The following TMEM132D variants were observed in gnomAD, a reference collection of about 807,000 sequenced individuals.
TMEM132D encodes mature OL transmembrane protein.
A neutral mutation model predicts 62.3 loss-of-function variants in TMEM132D; 21 were observed. That is an observed-to-expected ratio of 0.34 (90% CI 0.24 to 0.49). The LOEUF (loss-of-function observed/expected upper bound fraction) is 0.49. TMEM132D is among the 20% of genes least tolerant of loss of function. TMEM132D has a pLI of 0.99. For missense variants in TMEM132D, 1,346 were observed against 1,402.8 expected (o/e 0.96, Z 0.65); for synonymous variants, 621 against 575.6 (o/e 1.08, Z -1.13).
At chr12:129,196,020 G>A (rs1336354495) in intron 5 of TMEM132D, among the ~76,000 whole-genome samples, 1 of 152,128 alleles carries the variant, frequency 6.6e-6, no homozygotes, top group Non-Finnish European at 1.5e-5. Context: ...TCAGCTACTT[G>A]GGAGGCTGAG....
chr12:129,071,756 C>CAGTA lies in TMEM132D; in HGVS notation c.*2115_*2118dup, dbSNP rs1459688801. The CAGTA allele has an allele frequency of 1.3e-5, 2 of 152,226 alleles. No homozygotes were observed. 9.4% of individuals were successfully genotyped at this position (152,226 alleles called of 1,614,324 possible). ...TGAATGCAAACTTTATATTTACAGT[C>CAGTA]AGTAAGTTTATAAATATATATTACA... On this transcript the variant is annotated 3_prime_UTR_variant, in exon 9 of 9. Coordinates refer to ENST00000422113, the MANE Select transcript of TMEM132D (RefSeq NM_133448.3).
intron 1 of TMEM132D, among the ~76,000 whole-genome samples, chr12:129,792,944 A>C (rs61943442): frequency 0.014 from 2,148 of 152,338 alleles, 67 homozygotes; most frequent in East Asian, 0.12. Context: ...ACTGGTGTTC[A>C]TTCTACCCAA....
intron 2 of TMEM132D, among the ~76,000 whole-genome samples, chr12:129,546,518 A>G (rs773447965): frequency 1.3e-5 from 2 of 152,198 alleles, no homozygotes; most frequent in African/African-American, 2.4e-5. Context: ...CACAGCAAGC[A>G]AGGAGAGGAT....
At chr12:129,150,129 A>G (rs1877030082) in intron 5 of TMEM132D, among the ~76,000 whole-genome samples, 1 of 152,214 alleles carries the variant, frequency 6.6e-6, no homozygotes, top group African/African-American at 2.4e-5. Flanking sequence ...AAGCCCACAT[A>G]TGTGGGTGCT....
At position 129,074,162 on chromosome 12, in the gene TMEM132D, T is replaced by G; in HGVS notation, c.3013A>C (p.Ser1005Arg). The change falls in exon 9 of 9, where the codon AGC becomes CGC. Residue 1005 changes from serine (S) to arginine (R), a missense_variant. Ser to Arg is a moderately radical substitution (Grantham distance 110). Transcript: ENST00000422113. ...TTGATGCTTTTTTGGGAGTTTGTGC[T>G]GAGGAGATATTTACTTTCCTCGAAA... ...MDFEESKYLL[S>R]TNSQKSINGQ... 1 of 1,614,152 alleles carries G rather than the reference T, an allele frequency of 6.2e-7. No homozygotes were observed. Among genetic ancestry groups the G allele is most frequent in the Non-Finnish European group, 8.5e-7 (1 of 1,180,028 alleles).
intron 3 of TMEM132D, among the ~76,000 whole-genome samples, chr12:129,447,673 C>T (rs1873141336): frequency 6.6e-6 from 1 of 152,170 alleles, no homozygotes; most frequent in Non-Finnish European, 1.5e-5. Context: ...TGTCTGTGCA[C>T]TGTACAAATT....
At chr12:129,807,097 G>A (rs1405046646) in intron 1 of TMEM132D, among the ~76,000 whole-genome samples, 1 of 151,942 alleles carries the variant, frequency 6.6e-6, no homozygotes, top group African/African-American at 2.4e-5. Flanking sequence ...GAAAATGAGA[G>A]GATTTTACAT....
chr12:129,112,399 C>T (rs193130865), intron 5 of TMEM132D, among the ~76,000 whole-genome samples: 6 of 152,314 alleles, frequency 3.9e-5, no homozygotes, highest in Admixed American at 3.3e-4. Flanking sequence ...CGGTGGCTCA[C>T]GCCTGTAATC....
intron 1 of TMEM132D, among the ~76,000 whole-genome samples, chr12:129,760,078 A>T (rs933725313): frequency 6.6e-6 from 1 of 151,864 alleles, no homozygotes; most frequent in African/African-American, 2.4e-5. Context: ...CTAATTTTTT[A>T]AATTTTATTG....
chr12:129,822,013 G>C (rs1408666241), intron 1 of TMEM132D, among the ~76,000 whole-genome samples: 1 of 152,198 alleles, frequency 6.6e-6, no homozygotes, highest in Non-Finnish European at 1.5e-5. Flanking sequence ...AAAGACAGAC[G>C]TGATCTTTGT....
chr12:129,073,835 C>G lies in TMEM132D; in HGVS notation c.*40G>C, dbSNP rs2135601098. The G allele has an allele frequency of 1.3e-6, 2 of 1,492,368 alleles. No individual in the cohort carries two copies. Among genetic ancestry groups the G allele is most frequent in the Non-Finnish European group, 1.8e-6 (2 of 1,112,872 alleles). The allele number at this position is 1,492,368 out of a possible 1,614,324, so 92.4% of individuals were successfully genotyped here. A position where few individuals can be genotyped will look rare whatever the true frequency, so the allele number is the denominator to read the frequency against. ...TTGCTACACATCCTGGAATTAAAGGCTGAAAGGTGAGTGAGAACCAATGTC... is the reference window on the plus strand; with the variant it reads ...TTGCTACACATCCTGGAATTAAAGGGTGAAAGGTGAGTGAGAACCAATGTC... On this transcript the variant is annotated 3_prime_UTR_variant, in exon 9 of 9. Transcript: ENST00000422113.
At chr12:129,227,570 T>G (rs1879514000) in intron 4 of TMEM132D, among the ~76,000 whole-genome samples, 5 of 148,646 alleles carry the variant, frequency 3.4e-5, no homozygotes, top group Admixed American at 3.4e-4. Flanking sequence ...AATATTTACC[T>G]GATTTTATTT....
intron 1 of TMEM132D, among the ~76,000 whole-genome samples, chr12:129,760,323 CTTTTTTTT>C (rs71082753): frequency 4.2e-4 from 48 of 115,506 alleles, no homozygotes; most frequent in Admixed American, 2.6e-3. Flanking sequence ...AAGCCACTTT[CTTTTTTTT>C]TTTTTTTTTT....
At chr12:129,760,592 T>A (rs1427851266) in intron 1 of TMEM132D, among the ~76,000 whole-genome samples, 2 of 150,440 alleles carry the variant, frequency 1.3e-5, no homozygotes, top group Non-Finnish European at 3.0e-5. Flanking sequence ...CGGATCCGCC[T>A]GCCTCAAGCC....
In TMEM132D at chr12:129,479,305, C is replaced by G. The variant is rs575762867; in HGVS notation, c.1115+51754G>C. ...AGCTTTGGTGAAAAAAAATTGGCAT[C>G]AAATTTAAGGATCCTGGGCTATTGT... On this transcript the variant is annotated intron_variant, in intron 3 of 8. Transcript: ENST00000422113. Among the ~76,000 whole-genome samples, 3 of 152,238 alleles carry G rather than the reference C, an allele frequency of 2.0e-5. No homozygotes were observed. In the South Asian group the frequency reaches 6.2e-4, roughly 32 times the overall value.
chr12:129,653,566 A>C (rs1393470973), intron 2 of TMEM132D, among the ~76,000 whole-genome samples: 1 of 152,232 alleles, frequency 6.6e-6, no homozygotes, highest in African/African-American at 2.4e-5. Flanking sequence ...CATTGGAATG[A>C]GTTGCCCAGC....
intron 4 of TMEM132D, among the ~76,000 whole-genome samples, chr12:129,254,398 C>T (rs1195833086): frequency 6.6e-6 from 1 of 152,168 alleles, no homozygotes; most frequent in Non-Finnish European, 1.5e-5. Context: ...TGCTTCTTAG[C>T]GTCCTTGAGA....
At chr12:129,811,776 G>C (rs1872191048) in intron 1 of TMEM132D, among the ~76,000 whole-genome samples, 1 of 151,674 alleles carries the variant, frequency 6.6e-6, no homozygotes, top group South Asian at 2.1e-4. Flanking sequence ...AAGATGGAGG[G>C]GACCCCAGGA....
intron 3 of TMEM132D, among the ~76,000 whole-genome samples, chr12:129,411,624 G>A (rs1871969760): frequency 6.6e-6 from 1 of 151,996 alleles, no homozygotes; most frequent in Non-Finnish European, 1.5e-5. Flanking sequence ...CAAAGTATTG[G>A]GATTACAGGT....
Sources: gnomAD v4.1 joint callset for allele counts (sites outside exome capture counted in the v4.1 genomes callset) on GRCh38, gnomAD v4.1.1 for gene constraint, MANE v1.5 for transcripts, NCBI Gene and HGNC (gene_info 2026-07-23, HGNC 2026-07-21) for gene names.